The following SAMD5 variants were observed in gnomAD, a reference collection of about 807,000 sequenced individuals.
SAMD5 encodes the protein sterile alpha motif domain-containing protein 5.
SAMD5 carries 13 observed loss-of-function variants against 11.3 expected under a neutral mutation model. That is an observed-to-expected ratio of 1.15 (90% CI 0.75 to 1.83). The LOEUF (loss-of-function observed/expected upper bound fraction) is 1.83, where lower values mean the gene tolerates loss of function less well. Ranked by LOEUF, SAMD5 falls within the 40% of genes most tolerant of loss-of-function variation. The pLI, the probability that SAMD5 is intolerant of heterozygous loss-of-function variation, is 0.00. For synonymous variants in SAMD5, 129 were observed against 111.3 expected, an observed-to-expected ratio of 1.16 and a Z score of -1.00; for missense variants, 255 against 239.1, an observed-to-expected ratio of 1.07 and a Z score of -0.44.
chr6:147,763,350 G>A, the SAMD5 span, among the ~76,000 whole-genome samples: 1 of 151,826 alleles, frequency 6.6e-6, no homozygotes, highest in Non-Finnish European at 1.5e-5. Flanking sequence ...TTTTAGTAGA[G>A]ACAGGGTTTC....
the SAMD5 span, among the ~76,000 whole-genome samples, chr6:147,951,768 A>C: frequency 6.6e-6 from 1 of 152,248 alleles, no homozygotes; most frequent in Non-Finnish European, 1.5e-5. Context: ...CCACAGTCCC[A>C]AAGTGATTTC....
chr6:147,921,508 T>C, the SAMD5 span, among the ~76,000 whole-genome samples: 1 of 152,216 alleles, frequency 6.6e-6, no homozygotes, highest in Non-Finnish European at 1.5e-5. Context: ...TGTCAACTCA[T>C]GGAGTTAAGG....
At chr6:147,717,494 G>C (rs530715732) in intron 1 of SAMD5, among the ~76,000 whole-genome samples, 1 of 152,278 alleles carries the variant, frequency 6.6e-6, no homozygotes, top group African/African-American at 2.4e-5. Flanking sequence ...TTTCTAACTG[G>C]CTCAATGGTT....
the SAMD5 span, among the ~76,000 whole-genome samples, chr6:147,793,226 C>T: frequency 2.6e-5 from 4 of 152,122 alleles, no homozygotes; most frequent in African/African-American, 9.7e-5. Flanking sequence ...TCTATGGCGC[C>T]TTATCCCCCC....
At chr6:147,548,100 A>G (rs1788713521) in intron 1 of SAMD5, among the ~76,000 whole-genome samples, 2 of 149,322 alleles carry the variant, frequency 1.3e-5, no homozygotes, top group South Asian at 4.1e-4. Flanking sequence ...TAATAAGTTC[A>G]ACAAGAAAAA....
At chr6:147,580,950 G>A (rs1023868404) in intron 1 of SAMD5, among the ~76,000 whole-genome samples, 1 of 152,150 alleles carries the variant, frequency 6.6e-6, no homozygotes, top group Non-Finnish European at 1.5e-5. Context: ...AAGCTCTGAG[G>A]TGGCTTTTTA....
intron 1 of SAMD5, among the ~76,000 whole-genome samples, chr6:147,597,325 T>A (rs1322715723): frequency 1.3e-5 from 2 of 152,212 alleles, no homozygotes; most frequent in Non-Finnish European, 2.9e-5. Context: ...ACTGCTGAGA[T>A]GTGTTTTCAG....
chr6:147,553,690 T>C (rs1788808875), intron 1 of SAMD5, among the ~76,000 whole-genome samples: 1 of 152,200 alleles, frequency 6.6e-6, no homozygotes. Context: ...TTTACGTGTT[T>C]TCCTGCTTTA....
intron 1 of SAMD5, among the ~76,000 whole-genome samples, chr6:147,547,709 A>G (rs1413013183): frequency 6.6e-6 from 1 of 152,200 alleles, no homozygotes; most frequent in Non-Finnish European, 1.5e-5. Context: ...GCCATCTATC[A>G]TATATTCACA....
intron 1 of SAMD5, among the ~76,000 whole-genome samples, chr6:147,652,700 C>T (rs1790504180): frequency 6.6e-6 from 1 of 152,200 alleles, no homozygotes; most frequent in Admixed American, 6.5e-5. Context: ...CCTGGCAACT[C>T]TAACAGTTTA....
chr6:147,939,246 G>C, the SAMD5 span, among the ~76,000 whole-genome samples: 1 of 152,018 alleles, frequency 6.6e-6, no homozygotes, highest in African/African-American at 2.4e-5. Context: ...GGCCCTGAAG[G>C]TCTCTGAACC....
intron 1 of SAMD5, among the ~76,000 whole-genome samples, chr6:147,696,174 A>C (rs1027152703): frequency 6.6e-6 from 1 of 151,950 alleles, no homozygotes; most frequent in Non-Finnish European, 1.5e-5. Context: ...CCCCAACTCC[A>C]TGATCCCTGG....
At chr6:147,747,925 A>G in the SAMD5 span, among the ~76,000 whole-genome samples, 1 of 152,178 alleles carries the variant, frequency 6.6e-6, no homozygotes, top group African/African-American at 2.4e-5. Context: ...CAAAAACCAA[A>G]GGAATCATGC....
intron 1 of SAMD5, among the ~76,000 whole-genome samples, chr6:147,644,094 T>G (rs1790359072): frequency 6.6e-6 from 1 of 152,190 alleles, no homozygotes; most frequent in Non-Finnish European, 1.5e-5. Context: ...CTTGGTGAAA[T>G]GTTTTACCTT....
At chr6:147,678,915 T>A (rs993746415) in intron 1 of SAMD5, among the ~76,000 whole-genome samples, 4 of 152,166 alleles carry the variant, frequency 2.6e-5, no homozygotes, top group African/African-American at 9.7e-5. Context: ...ATAATGAACA[T>A]ATCCATCGTC....
rs1789039615 is a variant in SAMD5, at chr6:147,566,305, T to C, written c.*1849T>C. ...CTTTCATCTTTTTTTTTTTTCCAAA[T>C]GAACTAGGGTCTTTAAAATTCCTAA... On this transcript the variant is annotated 3_prime_UTR_variant, in exon 2 of 2. Coordinates refer to ENST00000367474, the MANE Select transcript of SAMD5 (RefSeq NM_001030060.3). 1.0e-6 allele frequency: 1 copy of C among 976,816 alleles called. No individual in the cohort carries two copies. Among genetic ancestry groups the C allele is most frequent in the African/African-American group, 1.8e-5 (1 of 56,988 alleles). The allele number at this position is 976,816 out of a possible 1,614,324, so 60.5% of individuals were successfully genotyped here. A position where few individuals can be genotyped will look rare whatever the true frequency, so the allele number is the denominator to read the frequency against.
chr6:147,808,743 G>A, the SAMD5 span, among the ~76,000 whole-genome samples: 2 of 152,056 alleles, frequency 1.3e-5, no homozygotes, highest in Non-Finnish European at 2.9e-5. Context: ...TCATAGTTCT[G>A]TTAATGTTAT....
At chr6:147,886,631 T>A in the SAMD5 span, among the ~76,000 whole-genome samples, 1 of 152,086 alleles carries the variant, frequency 6.6e-6, no homozygotes, top group Non-Finnish European at 1.5e-5. Context: ...CTAGCAGACT[T>A]AATCTCTCTC....
At chr6:147,619,113 G>T (rs543646809) in intron 1 of SAMD5, among the ~76,000 whole-genome samples, 1 of 152,258 alleles carries the variant, frequency 6.6e-6, no homozygotes, top group African/African-American at 2.4e-5. Context: ...GTGAAAAGCT[G>T]GCTGTCTTGC....
Sources: allele counts gnomAD v4.1 joint callset (sites outside exome capture counted in the v4.1 genomes callset), GRCh38; gene constraint gnomAD v4.1.1; transcripts MANE v1.5; gene names NCBI Gene and HGNC (gene_info 2026-07-23, HGNC 2026-07-21).